RBMS3: variants seen among roughly 807,000 people sequenced by gnomAD.
The protein encoded by RBMS3 is RNA binding motif single stranded interacting protein 3, also known as RNA-binding motif, single-stranded-interacting protein 3.
In RBMS3, 27 loss-of-function variants were observed where a neutral mutation model predicts 66.8. That is an observed-to-expected ratio of 0.40 (90% confidence interval 0.30 to 0.56). RBMS3 has a LOEUF of 0.56. RBMS3 is among the 20% of genes least tolerant of loss of function. The pLI is 0.40. For synonymous variants in RBMS3, 188 were observed against 183.0 expected (o/e 1.03, Z -0.22); for missense variants, 513 against 549.5 (o/e 0.93, Z 0.66).
intron 4 of RBMS3, among the ~76,000 whole-genome samples, chr3:29,639,567 A>G (rs1416781104): frequency 6.7e-6 from 1 of 150,008 alleles, no homozygotes; most frequent in Admixed American, 6.7e-5. Context: ...CAGAATATAC[A>G]CTATAGATGA....
At chr3:29,747,908 G>GTTTT in intron 5 of RBMS3, among the ~76,000 whole-genome samples, 1 of 151,886 alleles carries the variant, frequency 6.6e-6, no homozygotes, top group Admixed American at 6.6e-5. Flanking sequence ...GCTTGAAGGT[G>GTTTT]ATGTTTCACC....
Position 29,796,867 on chromosome 3 carries a change from C to A in RBMS3, c.637+33878C>A, listed in dbSNP as rs373277191. On this transcript the variant is annotated intron_variant, in intron 6 of 14. Coordinates refer to ENST00000383767, the MANE Select transcript of RBMS3 (RefSeq NM_001003793.3). Reference sequence around the variant, plus strand: ...AGCTGGGACTATAGGCACACCCCACCACACCTGGCTAATTTTTTGTACTTT... The same window carrying A: ...AGCTGGGACTATAGGCACACCCCACAACACCTGGCTAATTTTTTGTACTTT... 2.0e-5 allele frequency among the ~76,000 whole-genome samples: 3 copies of A among 151,970 alleles called. No individual in the cohort carries two copies. In the East Asian group the frequency reaches 5.8e-4, roughly 29 times the overall value.
At chr3:29,661,667 T>C (rs2371698) in intron 4 of RBMS3, among the ~76,000 whole-genome samples, 5,395 of 152,018 alleles carry the variant, frequency 0.035, 212 homozygotes, top group African/African-American at 0.09. Flanking sequence ...ATTTCTCTTT[T>C]GAATATTCAT....
intron 3 of RBMS3, among the ~76,000 whole-genome samples, chr3:29,488,950 T>C (rs781768329): frequency 2.0e-5 from 3 of 152,236 alleles, no homozygotes; most frequent in Admixed American, 6.5e-5. Flanking sequence ...GCTTCAGCTA[T>C]AAGCATCTCA....
intron 1 of RBMS3, among the ~76,000 whole-genome samples, chr3:29,375,562 T>C (rs1486377768): frequency 6.6e-6 from 1 of 152,176 alleles, no homozygotes; most frequent in Admixed American, 6.5e-5. Flanking sequence ...CAGACACTTA[T>C]CAAAAGAAGA....
intron 5 of RBMS3, among the ~76,000 whole-genome samples, chr3:29,744,546 G>T (rs917608892): frequency 4.6e-5 from 7 of 152,148 alleles, no homozygotes; most frequent in Non-Finnish European, 5.9e-5. Context: ...CACTTTGGGA[G>T]GCCAAGGCAG....
At chr3:29,805,029 C>T (rs149224083) in intron 6 of RBMS3, among the ~76,000 whole-genome samples, 78 of 151,654 alleles carry the variant, frequency 5.1e-4, no homozygotes, top group African/African-American at 1.8e-3. Context: ...ACTACTACTA[C>T]TAGTATTTTT....
At chr3:29,384,432 T>TAAGAAGAAGAAGAAGAAGAAGAAG (rs561847341) in intron 1 of RBMS3, among the ~76,000 whole-genome samples, 38 of 99,412 alleles carry the variant, frequency 3.8e-4, no homozygotes, top group East Asian at 3.4e-3. Context: ...ATAATAATAA[T>TAAGAAGAAGAAGAAGAAGAAGAAG]AATAAGAAGA....
chr3:29,388,290 A>G (rs1391776795), intron 1 of RBMS3, among the ~76,000 whole-genome samples: 1 of 152,228 alleles, frequency 6.6e-6, no homozygotes, highest in African/African-American at 2.4e-5. Context: ...TGTCAGCTTC[A>G]GAAAAGTATA....
At chr3:29,331,815 C>CTTTTTTTTTTTTTT (rs11354452) in intron 1 of RBMS3, among the ~76,000 whole-genome samples, 6 of 69,708 alleles carry the variant, frequency 8.6e-5, no homozygotes, top group Admixed American at 2.0e-4. Flanking sequence ...AGGATAGCTC[C>CTTTTTTTTTTTTTT]TTTTTTTTTT....
At chr3:29,459,325 G>C (rs904751093) in intron 2 of RBMS3, among the ~76,000 whole-genome samples, 1 of 152,178 alleles carries the variant, frequency 6.6e-6, no homozygotes, top group South Asian at 2.1e-4. Context: ...CTCTTCATCA[G>C]TAGTCTCATC....
At chr3:29,470,211 C>G (rs995733629) in intron 2 of RBMS3, among the ~76,000 whole-genome samples, 7 of 151,706 alleles carry the variant, frequency 4.6e-5, no homozygotes, top group African/African-American at 1.7e-4. Flanking sequence ...GCGGAAAATG[C>G]ATGTTTTAAG....
chr3:29,483,085 T>A (rs1421627003), intron 2 of RBMS3, among the ~76,000 whole-genome samples: 3 of 151,414 alleles, frequency 2.0e-5, no homozygotes. Context: ...CGACAGAAAG[T>A]TCCCTTAGTC....
rs1220481331 is a variant in RBMS3 at position 29,295,849 on chromosome 3, A to T, written c.75+14093A>T. ...GTACTTATATAAATACTAAAAATTA[A>T]ATCTTTCATCTTCTAATTAAGTTTG... On this transcript the variant is annotated intron_variant, in intron 1 of 14. Transcript: ENST00000383767. 3.3e-5 allele frequency among the ~76,000 whole-genome samples: 5 copies of T among 151,768 alleles called. No individual in the cohort carries two copies. In the East Asian group the frequency reaches 9.7e-4, roughly 29 times the overall value.
At chr3:29,294,856 T>C (rs2125432269) in intron 1 of RBMS3, among the ~76,000 whole-genome samples, 1 of 151,894 alleles carries the variant, frequency 6.6e-6, no homozygotes, top group East Asian at 1.9e-4. Flanking sequence ...TTTTGGACTA[T>C]AGTCCAGGAG....
intron 6 of RBMS3, among the ~76,000 whole-genome samples, chr3:29,809,771 A>AT (rs1445493868): frequency 6.6e-6 from 1 of 152,032 alleles, no homozygotes; most frequent in Non-Finnish European, 1.5e-5. Flanking sequence ...GTACAGACTG[A>AT]TATTTCCTGT....
intron 1 of RBMS3, among the ~76,000 whole-genome samples, chr3:29,323,867 A>G (rs2035161840): frequency 6.6e-6 from 1 of 151,988 alleles, no homozygotes; most frequent in Non-Finnish European, 1.5e-5. Flanking sequence ...GCTTTTTAAG[A>G]CTTTATGCCA....
intron 1 of RBMS3, among the ~76,000 whole-genome samples, chr3:29,289,002 ATTAT>A (rs1336467145): frequency 6.6e-6 from 1 of 152,014 alleles, no homozygotes; most frequent in Non-Finnish European, 1.5e-5. Context: ...ATTTTAAATT[ATTAT>A]TTAAGCTTTG....
intron 1 of RBMS3, among the ~76,000 whole-genome samples, chr3:29,380,237 C>T (rs948304207): frequency 6.7e-6 from 1 of 149,112 alleles, no homozygotes; most frequent in East Asian, 2.0e-4. Flanking sequence ...CACACACACA[C>T]GTACATCTAT....
Sources: gnomAD v4.1 joint callset for allele counts (sites outside exome capture counted in the v4.1 genomes callset) on GRCh38, gnomAD v4.1.1 for gene constraint, MANE v1.5 for transcripts, NCBI Gene and HGNC (gene_info 2026-07-23, HGNC 2026-07-21) for gene names.